Variants in IPP observed in about 807,000 individuals in gnomAD.
The protein encoded by IPP is actin-binding protein IPP.
IPP carries 41 observed loss-of-function variants against 64.1 expected under a neutral mutation model. The observed-to-expected ratio is 0.64, with a 90% confidence interval of 0.50 to 0.83. IPP has a LOEUF of 0.83. IPP is among the 40% of genes least tolerant of loss of function. The pLI is 0.00. For synonymous variants in IPP, 214 were observed against 235.2 expected, an observed-to-expected ratio of 0.91 and a Z score of 0.83; for missense variants, 649 against 703.0, an observed-to-expected ratio of 0.92 and a Z score of 0.87.
chr1:45,747,897 G>GAAT (rs1646162283), intron 1 of IPP, among the ~76,000 whole-genome samples: 1 of 140,900 alleles, frequency 7.1e-6, no homozygotes, highest in Admixed American at 7.2e-5. Context: ...AAGACATATG[G>GAAT]AATAGCACAG....
chr1:45,715,466 C>T (rs987260054), intron 7 of IPP, among the ~76,000 whole-genome samples: 2 of 151,702 alleles, frequency 1.3e-5, no homozygotes, highest in Non-Finnish European at 1.5e-5. Context: ...ACGGTGAAAC[C>T]CCATCTCTAC....
At chr1:45,731,625 A>C (rs112389335) in intron 3 of IPP, among the ~76,000 whole-genome samples, 1 of 152,106 alleles carries the variant, frequency 6.6e-6, no homozygotes, top group African/African-American at 2.4e-5. Context: ...ATCAAGAAAG[A>C]GCATATGCCT....
At chr1:45,727,415 G>A (rs1322197976) in intron 5 of IPP, among the ~76,000 whole-genome samples, 3 of 152,044 alleles carry the variant, frequency 2.0e-5, no homozygotes, top group African/African-American at 4.8e-5. Context: ...CATCTGATAT[G>A]AAATATTGAC....
At chr1:45,703,919 G>A (rs1645486036) in intron 8 of IPP, among the ~76,000 whole-genome samples, 1 of 152,180 alleles carries the variant, frequency 6.6e-6, no homozygotes, top group Non-Finnish European at 1.5e-5. Context: ...CTGGCATGGT[G>A]TCTGATCCAT....
At chr1:45,712,298 T>TAAA (rs71058702) in intron 8 of IPP, among the ~76,000 whole-genome samples, 7 of 131,310 alleles carry the variant, frequency 5.3e-5, no homozygotes, top group African/African-American at 1.4e-4. Flanking sequence ...AGACGACGTC[T>TAAA]AAAAAAAAAA....
chr1:45,724,155 GT>G (rs1031597204), intron 5 of IPP, among the ~76,000 whole-genome samples: 2 of 151,818 alleles, frequency 1.3e-5, no homozygotes, highest in Admixed American at 6.6e-5. Flanking sequence ...CTGGTTTTCG[GT>G]TTTTTTTGGT....
At chr1:45,729,444 T>C (rs148336899) in intron 4 of IPP, among the ~76,000 whole-genome samples, 170 bp downstream of exon 4, 101 of 152,348 alleles carry the variant, frequency 6.6e-4, no homozygotes, top group African/African-American at 2.3e-3. Context: ...GACATATTTG[T>C]CATAATATAT....
chr1:45,749,139 C>T (rs944142748), intron 1 of IPP, among the ~76,000 whole-genome samples: 3 of 152,166 alleles, frequency 2.0e-5, no homozygotes, highest in Non-Finnish European at 2.9e-5. Context: ...CAAGGTACCT[C>T]CTCTGTCCCC....
At chr1:45,732,711 G>C (rs1191829924) in intron 3 of IPP, among the ~76,000 whole-genome samples, 1 of 152,024 alleles carries the variant, frequency 6.6e-6, no homozygotes, top group Non-Finnish European at 1.5e-5. Context: ...CTGTCGCCCA[G>C]GCTGGAGTGC....
chr1:45,694,522 A>T, downstream of IPP: 2 of 1,482,000 alleles, frequency 1.3e-6, no homozygotes, highest in Non-Finnish European at 1.8e-6. Flanking sequence ...GTATCTGAAA[A>T]GAAAAGGTAG....
At position 45,698,717 on chromosome 1, in the gene IPP, CTT is replaced by C. The variant is rs78627575; in HGVS notation, c.*1247_*1248del. 0.012 allele frequency: 8,637 copies of C among 739,324 alleles called. 3 individuals are homozygous for C. Among genetic ancestry groups the C allele is most frequent in the Non-Finnish European group, 0.013 (8,037 of 621,650 alleles). 45.8% of individuals were successfully genotyped at this position (739,324 alleles called of 1,614,324 possible). Reference sequence around the variant, plus strand: ...AGCAAAAAAGGAAGAATTTTTTTTTCTTTTTTTTTTTTTTTTTTTGAGACAGG... The same window carrying C: ...AGCAAAAAAGGAAGAATTTTTTTTTCTTTTTTTTTTTTTTTTTGAGACAGG... On this transcript the variant is annotated 3_prime_UTR_variant, in exon 9 of 9. Coordinates refer to ENST00000396478, the MANE Select transcript of IPP (RefSeq NM_005897.3).
intron 3 of IPP, among the ~76,000 whole-genome samples, chr1:45,733,216 G>A (rs28548585): frequency 0.012 from 1,769 of 151,416 alleles, 26 homozygotes; most frequent in African/African-American, 0.037. Context: ...CACAAGGTCA[G>A]GAGTTCGAGA....
downstream of IPP, among the ~76,000 whole-genome samples, chr1:45,698,273 C>G (rs1209017086): frequency 1.3e-5 from 2 of 152,100 alleles, no homozygotes; most frequent in East Asian, 3.8e-4. Flanking sequence ...GCCTGGGCAA[C>G]AAGAGCAAAA....
rs754695619 is a variant in IPP at position 45,741,100 on chromosome 1, G to C, written c.525C>G (p.Phe175Leu). Residue 175 changes from phenylalanine (F) to leucine (L), a missense_variant, in exon 3 of 9, where the codon TTC becomes TTG. Phe to Leu is a conservative substitution (Grantham distance 22). Coordinates refer to ENST00000396478, the MANE Select transcript of IPP (RefSeq NM_005897.3). Reference protein sequence around the residue: ...HFLEVHSGEEFLALTKDQLIK... With the variant: ...HFLEVHSGEELLALTKDQLIK... ...TCAGCTGATCTTTCGTAAGTGCCAG[G>C]AACTCTTCTCCACTATGAACCTCCA... 1.2e-6 allele frequency: 2 copies of C among 1,614,078 alleles called. No individual in the cohort carries two copies. The highest frequency in any genetic ancestry group is 2.2e-5 in the South Asian group (2 of 91,076).
At chr1:45,716,089 A>G (rs1221978259) in intron 7 of IPP, among the ~76,000 whole-genome samples, 2 of 152,218 alleles carry the variant, frequency 1.3e-5, no homozygotes, top group Admixed American at 1.3e-4. Flanking sequence ...CTACCTCTCA[A>G]GAGTATAGTA....
intron 8 of IPP, among the ~76,000 whole-genome samples, chr1:45,708,425 T>A (rs966919956): frequency 1.4e-5 from 2 of 147,234 alleles, no homozygotes; most frequent in African/African-American, 4.9e-5. Context: ...ACATCTGTAA[T>A]CCCAGCACTT....
intron 5 of IPP, among the ~76,000 whole-genome samples, chr1:45,725,323 G>C (rs1243420303): frequency 9.6e-4 from 125 of 130,002 alleles, no homozygotes; most frequent in African/African-American, 3.3e-3. Flanking sequence ...CAGCCGCCCC[G>C]TCCGGGAGGG....
intron 6 of IPP, among the ~76,000 whole-genome samples, chr1:45,718,012 G>A (rs1207374408): frequency 6.6e-6 from 1 of 152,176 alleles, no homozygotes; most frequent in Non-Finnish European, 1.5e-5. Flanking sequence ...AAATAGGGGA[G>A]GCTGAGAGCT....
intron 3 of IPP, 94 bp downstream of exon 3, chr1:45,740,807 T>C (rs1646052609): frequency 1.3e-6 from 1 of 743,010 alleles, no homozygotes; most frequent in Non-Finnish European, 2.2e-6. Flanking sequence ...AAATGTCTGT[T>C]ACTGAACCAA....
Sources: gnomAD v4.1 joint callset for allele counts (sites outside exome capture counted in the v4.1 genomes callset) on GRCh38, gnomAD v4.1.1 for gene constraint, MANE v1.5 for transcripts, NCBI Gene and HGNC (gene_info 2026-07-23, HGNC 2026-07-21) for gene names.